Variants in KANSL1 observed in about 807,000 individuals in gnomAD.
The protein encoded by KANSL1 is MLL1/MLL complex subunit KANSL1.
A neutral mutation model predicts 103.6 loss-of-function variants in KANSL1; 22 were observed. The observed-to-expected ratio is 0.21, with a 90% confidence interval of 0.15 to 0.30. The LOEUF is 0.30. Among genes scored for constraint, KANSL1 ranks in the 10% least tolerant of loss-of-function variants. The pLI, the probability that KANSL1 is intolerant of heterozygous loss-of-function variation, is 1.00. For synonymous variants in KANSL1, 600 were observed against 527.6 expected, an observed-to-expected ratio of 1.14 and a Z score of -1.88; for missense variants, 1,337 against 1,399.8, an observed-to-expected ratio of 0.96 and a Z score of 0.72.
chr17:46,216,961 G>T (rs1236072821), intron 1 of KANSL1, among the ~76,000 whole-genome samples: 69 of 152,034 alleles, frequency 4.5e-4, no homozygotes, highest in Admixed American at 4.5e-3. Flanking sequence ...TTTAAAAATA[G>T]CCAGATGTGG....
At chr17:46,038,148 T>G (rs1179707438) in intron 10 of KANSL1, 1 of 184,740 alleles carries the variant, frequency 5.4e-6, no homozygotes, top group Non-Finnish European at 1.1e-5. Flanking sequence ...CATGGGAATC[T>G]CCCCTCTACC....
upstream of KANSL1, chr17:46,194,029 G>T (rs62060949): frequency 0.1 from 15,104 of 150,146 alleles, no homozygotes; most frequent in Middle Eastern, 0.16. Context: ...CCCCAGCACC[G>T]CGCTCCGCAG....
In KANSL1 at chr17:46,154,204, A is replaced by G. The variant is rs192617670; in HGVS notation, c.1289+16651T>C. On this transcript the variant is annotated intron_variant, in intron 2 of 14. Transcript: ENST00000432791. ...TCTCCACCCCAGTTAAGCTGTGGAA[A>G]GCTGACTGGCATATCCACATGCTTA... Among the ~76,000 whole-genome samples the G allele has an allele frequency of 1.2e-4, 19 of 152,382 alleles. No homozygotes were observed. The East Asian group carries it at 3.7e-3, about 29-fold the overall frequency.
At chr17:46,073,852 G>C (rs1204606394) in intron 4 of KANSL1, among the ~76,000 whole-genome samples, 1 of 152,108 alleles carries the variant, frequency 6.6e-6, no homozygotes, top group Admixed American at 6.5e-5. Context: ...TTTCACAGGG[G>C]TACTAGATGA....
intron 1 of KANSL1, among the ~76,000 whole-genome samples, chr17:46,213,069 T>A (rs2048212446): frequency 6.6e-6 from 1 of 152,226 alleles, no homozygotes; most frequent in Admixed American, 6.5e-5. Flanking sequence ...CATTTAAATA[T>A]CAGCAACTGC....
intron 9 of KANSL1, 151 bp downstream of exon 9, chr17:46,038,876 T>C (rs2077228379): frequency 8.9e-7 from 1 of 1,128,088 alleles, no homozygotes; most frequent in Non-Finnish European, 1.3e-6. Flanking sequence ...AGTTAAGAAG[T>C]GACCTCCATT....
At chr17:46,214,469 C>T (rs1326940900) in intron 1 of KANSL1, among the ~76,000 whole-genome samples, 4 of 152,216 alleles carry the variant, frequency 2.6e-5, no homozygotes, top group African/African-American at 9.7e-5. Flanking sequence ...GCCTGACCAA[C>T]ATGGTGACAC....
chr17:46,092,324 C>A (rs965367187), intron 3 of KANSL1, among the ~76,000 whole-genome samples: 1 of 152,172 alleles, frequency 6.6e-6, no homozygotes, highest in Non-Finnish European at 1.5e-5. Context: ...ATTGCTCTGT[C>A]ATTACTTCTG....
intron 1 of KANSL1, among the ~76,000 whole-genome samples, chr17:46,213,076 C>A (rs991080498): frequency 6.6e-6 from 1 of 152,210 alleles, no homozygotes; most frequent in African/African-American, 2.4e-5. Context: ...ATATCAGCAA[C>A]TGCAGCTCCC....
chr17:46,215,783 G>A (rs2048321197), intron 1 of KANSL1, among the ~76,000 whole-genome samples: 1 of 152,230 alleles, frequency 6.6e-6, no homozygotes, highest in South Asian at 2.1e-4. Flanking sequence ...GCTCACGCCT[G>A]TAATCCCAGC....
intron 6 of KANSL1, among the ~76,000 whole-genome samples, chr17:46,063,927 T>A (rs2078272472): frequency 6.7e-6 from 1 of 148,816 alleles, no homozygotes. Context: ...TGTAAAAGCA[T>A]TCTGTGTTAA....
intron 2 of KANSL1, among the ~76,000 whole-genome samples, chr17:46,150,854 AT>A (rs1192892188): frequency 2.0e-5 from 3 of 151,948 alleles, no homozygotes; most frequent in African/African-American, 7.3e-5. Context: ...ACTACAGTAA[AT>A]TATTATGCAT....
intron 1 of KANSL1, among the ~76,000 whole-genome samples, chr17:46,188,874 T>C (rs1456286364): frequency 6.6e-6 from 1 of 150,506 alleles, no homozygotes; most frequent in Non-Finnish European, 1.5e-5. Flanking sequence ...ATACTAAAAA[T>C]AGAAAAAAAT....
intron 2 of KANSL1, among the ~76,000 whole-genome samples, chr17:46,152,127 G>A (rs1247624144): frequency 2.0e-5 from 3 of 152,218 alleles, no homozygotes; most frequent in Admixed American, 6.5e-5. Flanking sequence ...CTTACAGTGG[G>A]AAGAAAACAA....
rs1364480142 is a variant in KANSL1, at chr17:46,102,343, G to A, written c.1290-7642C>T. 3.3e-5 allele frequency among the ~76,000 whole-genome samples: 5 copies of A among 152,078 alleles called. No homozygotes were observed. In the East Asian group the frequency reaches 9.6e-4, roughly 29 times the overall value. ...CAGCTCACTGCAACCTCTGCCTCTC[G>A]GGTTCAAGTGATTTTCCTGCCTCAG... On this transcript the variant is annotated intron_variant, in intron 2 of 14. Coordinates refer to ENST00000432791, the MANE Select transcript of KANSL1 (RefSeq NM_015443.4).
chr17:46,108,603 T>C (rs2042670283), intron 2 of KANSL1, among the ~76,000 whole-genome samples: 4 of 152,252 alleles, frequency 2.6e-5, no homozygotes, highest in Non-Finnish European at 4.4e-5. Context: ...TATCTCTGGG[T>C]GCTTGGAACA....
At chr17:46,152,802 T>C (rs999339587) in intron 2 of KANSL1, 3 of 152,164 alleles carry the variant, frequency 2.0e-5, no homozygotes, top group Non-Finnish European at 4.4e-5. Flanking sequence ...ATTAGCAAGA[T>C]AGAGAGCAAA....
At chr17:46,202,251 A>T (rs899966609) in intron 1 of KANSL1, among the ~76,000 whole-genome samples, 1 of 152,246 alleles carries the variant, frequency 6.6e-6, no homozygotes, top group Non-Finnish European at 1.5e-5. Context: ...ATAGAATTTC[A>T]TGTTTAGATT....
intron 2 of KANSL1, among the ~76,000 whole-genome samples, chr17:46,169,821 T>A (rs897799143): frequency 6.6e-6 from 1 of 152,216 alleles, no homozygotes; most frequent in Non-Finnish European, 1.5e-5. Flanking sequence ...GTCTCCACCA[T>A]GCCAATTTGG....
Sources: allele counts gnomAD v4.1 joint callset (sites outside exome capture counted in the v4.1 genomes callset), GRCh38; gene constraint gnomAD v4.1.1; transcripts MANE v1.5; gene names NCBI Gene and HGNC (gene_info 2026-07-23, HGNC 2026-07-21).